FRA10AC1: variants seen among roughly 807,000 people sequenced by gnomAD.
The protein encoded by FRA10AC1 is FRA10A associated CGG repeat 1, also known as protein FRA10AC1.
In FRA10AC1, 43 loss-of-function variants were observed where a neutral mutation model predicts 56.5. The observed-to-expected ratio is 0.76, with a 90% CI of 0.60 to 0.98. FRA10AC1 has a LOEUF of 0.98. Ranked by LOEUF, FRA10AC1 falls within the 50% of genes least tolerant of loss-of-function variation. The pLI, the probability that FRA10AC1 is intolerant of heterozygous loss-of-function variation, is 0.00. For synonymous variants in FRA10AC1, 112 were observed against 110.5 expected (o/e 1.01, Z -0.09); for missense variants, 346 against 351.8 (o/e 0.98, Z 0.13).
At chr10:93,682,553 C>A (rs2058953647) in intron 10 of FRA10AC1, among the ~76,000 whole-genome samples, 1 of 152,144 alleles carries the variant, frequency 6.6e-6, no homozygotes, top group Non-Finnish European at 1.5e-5. Flanking sequence ...ATCATCCCAG[C>A]ACCTTGGGCG....
intron 9 of FRA10AC1, 69 bp from the exon 10 acceptor site, chr10:93,684,167 A>T: frequency 8.9e-7 from 1 of 1,124,282 alleles, no homozygotes; most frequent in Non-Finnish European, 1.3e-6. Flanking sequence ...TTTTAATATC[A>T]TAAATTCGCA....
chr10:93,689,656 A>G (rs2059092576), intron 7 of FRA10AC1, among the ~76,000 whole-genome samples: 1 of 152,204 alleles, frequency 6.6e-6, no homozygotes, highest in South Asian at 2.1e-4. Context: ...CCAAGATTAT[A>G]ATCTTATGAG....
intron 7 of FRA10AC1, chr10:93,687,969 A>G (rs1448295070): frequency 6.6e-6 from 1 of 152,164 alleles, no homozygotes; most frequent in Non-Finnish European, 1.5e-5. Context: ...TACATATGAA[A>G]CACTTAGAAT....
rs1171116328 is a variant in FRA10AC1 at position 93,693,559 on chromosome 10, TACACCATATATATATAC to T, written c.297-847_297-831del. Among the ~76,000 whole-genome samples, 61 of 136,192 alleles carry T rather than the reference TACACCATATATATATAC, an allele frequency of 4.5e-4. No homozygotes were observed. The East Asian group carries it at 8.0e-3, about 18-fold the overall frequency. 89.3% of individuals were successfully genotyped at this position (136,192 alleles called of 152,430 possible). On this transcript the variant is annotated intron_variant, in intron 5 of 13. Coordinates refer to ENST00000359204, the MANE Select transcript of FRA10AC1 (RefSeq NM_145246.5). ...ATATATATATATATACACACATACA[TACACCATATATATATAC>T]ACACCATATATATATACACACCATA...
intron 5 of FRA10AC1, among the ~76,000 whole-genome samples, chr10:93,693,231 A>G (rs936507529): frequency 6.6e-6 from 1 of 151,458 alleles, no homozygotes; most frequent in Non-Finnish European, 1.5e-5. Flanking sequence ...AAGGAAAAAA[A>G]AAAGTGATTG....
At position 93,681,528 on chromosome 10, in the gene FRA10AC1, T is replaced by G. The variant is rs1481473458; in HGVS notation, c.739A>C (p.Lys247Gln). Reference sequence around the variant, plus strand: ...TCTTCTGCAGAAGATAATCTGGATTTTTTATGTGATGACTCTTCACAGTCT... The same window carrying G: ...TCTTCTGCAGAAGATAATCTGGATTGTTTATGTGATGACTCTTCACAGTCT... The part of the protein sequence containing the change: ...KKDCEESSHK[K>Q]SRLSSAEEAS... The change falls in exon 11 of 14, where the codon AAA (lysine) becomes CAA (glutamine). Residue 247 changes from lysine to glutamine, a missense_variant. Coordinates refer to ENST00000359204, the MANE Select transcript of FRA10AC1 (RefSeq NM_145246.5). The G allele has an allele frequency of 6.3e-7, 1 of 1,581,044 alleles. No homozygotes were observed. The highest frequency in any genetic ancestry group is 8.6e-7 in the Non-Finnish European group (1 of 1,168,794).
At chr10:93,693,116 C>T (rs1228286893) in intron 5 of FRA10AC1, among the ~76,000 whole-genome samples, 1 of 151,172 alleles carries the variant, frequency 6.6e-6, no homozygotes, top group Non-Finnish European at 1.5e-5. Flanking sequence ...TTTTCCGTAT[C>T]TCATTTTACT....
At chr10:93,692,869 A>G (rs1052347526) in intron 5 of FRA10AC1, 140 bp from the exon 6 acceptor site, 16 of 500,480 alleles carry the variant, frequency 3.2e-5, no homozygotes, top group East Asian at 2.8e-4. Context: ...ATTTGTTCAC[A>G]TATTTATAAA....
chr10:93,675,660 G>C (rs758518457), intron 12 of FRA10AC1: 1 of 371,896 alleles, frequency 2.7e-6, no homozygotes, highest in Non-Finnish European at 5.7e-6. Flanking sequence ...AGCTGAGATC[G>C]CGCCACTGCA....
At chr10:93,672,277 A>C in intron 12 of FRA10AC1, 1 of 207,002 alleles carries the variant, frequency 4.8e-6, no homozygotes. Context: ...CACCAATTCT[A>C]GCAAAAATGG....
Position 93,676,691 on chromosome 10 carries a change from C to A in FRA10AC1, c.788G>T (p.Gly263Val), listed in dbSNP as rs1408313682. 4 of 1,567,116 alleles carry A rather than the reference C, an allele frequency of 2.6e-6. No individual in the cohort carries two copies. Among genetic ancestry groups the A allele is most frequent in the Non-Finnish European group, 3.4e-6 (4 of 1,161,210 alleles). The part of the protein sequence containing the change: ...AEEASKKKDK[G>V]HSSSKKSEDS... ...TTCAGATTTCTTTGAAGATGAATGT[C>A]CTGAAAAGGAAACATCATTGATTTA... The change falls in exon 12 of 14, where the codon GGA (glycine) becomes GTA (valine). Residue 263 changes from glycine (G) to valine (V), a missense_variant and splice_region_variant. Gly to Val is a moderately radical substitution (Grantham distance 109). Transcript: ENST00000359204.
At chr10:93,694,677 G>A (rs1354872853) in intron 5 of FRA10AC1, among the ~76,000 whole-genome samples, 184 bp downstream of exon 5, 1 of 128,044 alleles carries the variant, frequency 7.8e-6, no homozygotes, top group African/African-American at 3.0e-5. Context: ...TCAAGCCACT[G>A]TTCTCCAGCC....
chr10:93,702,595 T>C (rs1223867641), upstream of FRA10AC1: 7 of 219,690 alleles, frequency 3.2e-5, 2 homozygotes, highest in Non-Finnish European at 6.3e-5. Context: ...CCACTTCCGG[T>C]CCGACACGGC....
intron 9 of FRA10AC1, 140 bp from the exon 10 acceptor site, chr10:93,684,238 C>A (rs781448961): frequency 3.3e-6 from 2 of 607,318 alleles, no homozygotes; most frequent in Non-Finnish European, 5.9e-6. Context: ...AACAATCTGA[C>A]CTTCATCACC....
chr10:93,681,203 A>G (rs991563565), intron 11 of FRA10AC1, among the ~76,000 whole-genome samples: 6 of 152,154 alleles, frequency 3.9e-5, no homozygotes, highest in Non-Finnish European at 8.8e-5. Context: ...ATGCAAAGTA[A>G]CAAGTCTGTA....
At chr10:93,683,441 C>T (rs1420715621) in intron 10 of FRA10AC1, among the ~76,000 whole-genome samples, 1 of 152,022 alleles carries the variant, frequency 6.6e-6, no homozygotes, top group Non-Finnish European at 1.5e-5. Context: ...ACCTCTGCCT[C>T]CCAGGTTCAA....
intron 12 of FRA10AC1, among the ~76,000 whole-genome samples, 192 bp downstream of exon 12, chr10:93,676,461 A>G (rs951708794): frequency 6.6e-6 from 1 of 152,144 alleles, no homozygotes; most frequent in African/African-American, 2.4e-5. Flanking sequence ...AAAATAAGAA[A>G]CTTCTTAATG....
At chr10:93,679,504 G>A (rs1411944212) in intron 11 of FRA10AC1, among the ~76,000 whole-genome samples, 1 of 152,172 alleles carries the variant, frequency 6.6e-6, no homozygotes, top group Admixed American at 6.5e-5. Flanking sequence ...GGATAGAACT[G>A]AGAGTTTTAG....
chr10:93,685,580 G>C, intron 8 of FRA10AC1: 1 of 290,806 alleles, frequency 3.4e-6, no homozygotes. Context: ...TTGATAGACT[G>C]TATTTAGATA....
Sources: allele counts gnomAD v4.1 joint callset (sites outside exome capture counted in the v4.1 genomes callset), GRCh38; gene constraint gnomAD v4.1.1; transcripts MANE v1.5; gene names NCBI Gene and HGNC (gene_info 2026-07-23, HGNC 2026-07-21).